STAT3: variants seen among roughly 807,000 people sequenced by gnomAD.
The protein encoded by STAT3 is DNA-binding protein APRF.
A neutral mutation model predicts 114.3 loss-of-function variants in STAT3; 7 were observed. That is an observed-to-expected ratio of 0.06 (90% CI 0.03 to 0.11). The LOEUF (loss-of-function observed/expected upper bound fraction) is 0.11. STAT3 is among the 10% of genes least tolerant of loss of function. The pLI, the probability that STAT3 is intolerant of heterozygous loss-of-function variation, is 1.00. For missense variants in STAT3, 364 were observed against 960.9 expected (o/e 0.38, Z 8.21); for synonymous variants, 331 against 354.5 (o/e 0.93, Z 0.74).
chr17:42,382,994 G>A (rs138259236), intron 1 of STAT3, among the ~76,000 whole-genome samples: 9 of 152,092 alleles, frequency 5.9e-5, no homozygotes, highest in African/African-American at 1.9e-4. Flanking sequence ...GACCATAACA[G>A]AAATTCATTC....
chr17:42,373,223 A>G lies in STAT3; in HGVS notation c.-24+15056T>C, dbSNP rs893952237. Among the ~76,000 whole-genome samples the G allele has an allele frequency of 7.2e-5, 11 of 152,234 alleles. No individual in the cohort carries two copies. The South Asian group carries it at 2.3e-3, about 32-fold the overall frequency. The stretch of plus-strand genomic sequence containing the variant: ...AAATTAGCCAGGCGTGGTGGCAGAC[A>G]ACTATAATCTCAGCTACTTGGGAGG... On this transcript the variant is annotated intron_variant, in intron 1 of 23. Transcript: ENST00000264657.
chr17:42,326,345 A>T, intron 14 of STAT3, 146 bp from the exon 15 acceptor site: 1 of 692,452 alleles, frequency 1.4e-6, no homozygotes, highest in Non-Finnish European at 2.6e-6. Flanking sequence ...CCATCTCTGC[A>T]AAAAATACAA....
intron 11 of STAT3, among the ~76,000 whole-genome samples, chr17:42,331,267 C>T (rs996595882): frequency 1.3e-5 from 2 of 152,186 alleles, no homozygotes; most frequent in Non-Finnish European, 2.9e-5. Context: ...GTCACAATAG[C>T]AACCACAAAT....
rs985684318 is a variant in STAT3 at position 42,324,329 on chromosome 17, T to C, written c.1600+382A>G. ...GCAAGACTCGTCTCAAAAAAATAAA[T>C]AAATAAATAAAATAAGACAAAAAAA... On this transcript the variant is annotated intron_variant, in intron 17 of 23. Coordinates refer to ENST00000264657, the MANE Select transcript of STAT3 (RefSeq NM_139276.3). This position sits in a 1 kb window ranked among gnomAD's most constrained non-coding sequence, Gnocchi z 4.5. 6.6e-6 allele frequency among the ~76,000 whole-genome samples: 1 copy of C among 151,268 alleles called. No homozygotes were observed. Among genetic ancestry groups the C allele is most frequent in the Non-Finnish European group, 1.5e-5 (1 of 67,832 alleles).
intron 8 of STAT3, among the ~76,000 whole-genome samples, chr17:42,335,683 C>T (rs934636123): frequency 2.0e-5 from 3 of 151,906 alleles, no homozygotes; most frequent in South Asian, 2.1e-4. Flanking sequence ...TTTGAGAGGC[C>T]GAGGCAGGTC....
intron 1 of STAT3, among the ~76,000 whole-genome samples, chr17:42,360,214 T>C (rs1567742646): frequency 6.6e-6 from 1 of 151,820 alleles, no homozygotes; most frequent in Non-Finnish European, 1.5e-5. Context: ...TTTTTTTAAA[T>C]TAGAGATGGC....
chr17:42,347,213 A>G (rs2082742222), intron 2 of STAT3, among the ~76,000 whole-genome samples: 1 of 151,982 alleles, frequency 6.6e-6, no homozygotes, highest in Middle Eastern at 3.4e-3. Flanking sequence ...ACCACAAAAC[A>G]AAAAAACAAT....
intron 23 of STAT3, 23 bp from the exon 24 acceptor site, chr17:42,315,823 C>T (rs1408946313): frequency 2.2e-5 from 35 of 1,613,852 alleles, no homozygotes; most frequent in Non-Finnish European, 3.0e-5. Flanking sequence ...ACAGGGAAAA[C>T]TAGTTCAGTT....
chr17:42,376,702 C>T (rs776174721), intron 1 of STAT3, among the ~76,000 whole-genome samples: 4 of 149,728 alleles, frequency 2.7e-5, no homozygotes, highest in Admixed American at 6.7e-5. Flanking sequence ...AAAAATTAGC[C>T]GGGCATTGTG....
At chr17:42,356,532 T>C (rs984392458) in intron 1 of STAT3, among the ~76,000 whole-genome samples, 3 of 123,976 alleles carry the variant, frequency 2.4e-5, no homozygotes, top group Non-Finnish European at 5.0e-5. Flanking sequence ...TGTATATATA[T>C]ATATATATTT....
chr17:42,366,392 C>A (rs977714816), intron 1 of STAT3, among the ~76,000 whole-genome samples: 17 of 152,018 alleles, frequency 1.1e-4, no homozygotes, highest in Admixed American at 3.9e-4. Context: ...TGGAAGTGAC[C>A]GGGCACAATG....
chr17:42,331,166 C>T (rs949947743), intron 11 of STAT3, among the ~76,000 whole-genome samples: 8 of 152,148 alleles, frequency 5.3e-5, no homozygotes, highest in African/African-American at 1.7e-4. Context: ...GTATCCCAGT[C>T]GTTAATTAAC....
intron 21 of STAT3, 119 bp from the exon 22 acceptor site, chr17:42,317,343 A>G: frequency 8.2e-7 from 1 of 1,214,540 alleles, no homozygotes; most frequent in Non-Finnish European, 1.2e-6. Context: ...TCATGCCAAG[A>G]TTGTCTGGAA....
intron 1 of STAT3, among the ~76,000 whole-genome samples, chr17:42,363,309 G>A (rs938594061): frequency 1.3e-5 from 2 of 152,116 alleles, no homozygotes; most frequent in East Asian, 3.9e-4. Flanking sequence ...TTCAATAAGA[G>A]TAAAATCACA....
At chr17:42,348,293 T>G in intron 2 of STAT3, 96 bp downstream of exon 2, 1 of 1,563,786 alleles carries the variant, frequency 6.4e-7, no homozygotes, top group South Asian at 1.1e-5. Flanking sequence ...ACCCATACAT[T>G]TTTTAATGGA....
intron 4 of STAT3, among the ~76,000 whole-genome samples, chr17:42,340,213 G>A (rs1447334073): frequency 6.6e-6 from 1 of 151,842 alleles, no homozygotes; most frequent in Admixed American, 6.6e-5. Flanking sequence ...AAAGTTAGCT[G>A]AGCTTGGTGG....
intron 8 of STAT3, among the ~76,000 whole-genome samples, chr17:42,335,298 A>C (rs2082185942): frequency 6.6e-6 from 1 of 151,972 alleles, no homozygotes; most frequent in East Asian, 1.9e-4. Flanking sequence ...AGTTTAGTTT[A>C]GTTTTTTGAG....
chr17:42,315,681 A>G lies in STAT3; in HGVS notation c.*64T>C. The G allele has an allele frequency of 6.6e-7, 1 of 1,524,978 alleles. No individual in the cohort carries two copies. The highest frequency in any genetic ancestry group is 1.1e-5 in the South Asian group (1 of 89,294). The allele number at this position is 1,524,978 out of a possible 1,614,324, so 94.5% of individuals were successfully genotyped here. On this transcript the variant is annotated 3_prime_UTR_variant, in exon 24 of 24. Coordinates refer to ENST00000264657, the MANE Select transcript of STAT3 (RefSeq NM_139276.3). The stretch of plus-strand genomic sequence containing the variant: ...AGATGATCTGGGGTTTGGCTGTGTG[A>G]GGGGTGGCAGAATGCAGGTAGGCGC...
intron 10 of STAT3, 48 bp from the exon 11 acceptor site, chr17:42,331,579 A>G (rs752476195): frequency 6.9e-7 from 1 of 1,453,800 alleles, no homozygotes; most frequent in Non-Finnish European, 9.6e-7. Context: ...TAACTCTCCC[A>G]TAACCTTTTC....
Sources: allele counts gnomAD v4.1 joint callset (sites outside exome capture counted in the v4.1 genomes callset), GRCh38; gene constraint gnomAD v4.1.1; non-coding constraint Gnocchi (gnomAD v3.1); transcripts MANE v1.5; gene names NCBI Gene and HGNC (gene_info 2026-07-23, HGNC 2026-07-21).